The following EEF2 variants were observed in gnomAD, a reference collection of about 807,000 sequenced individuals.
EEF2 encodes elongation factor 2.
A neutral mutation model predicts 85.3 loss-of-function variants in EEF2; 21 were observed. The observed-to-expected ratio is 0.25, with a 90% CI of 0.17 to 0.35. The LOEUF (loss-of-function observed/expected upper bound fraction) is 0.35, where lower values mean the gene tolerates loss of function less well. Among genes scored for constraint, EEF2 ranks in the 10% least tolerant of loss-of-function variants. The pLI is 1.00. For synonymous variants in EEF2, 723 were observed against 508.8 expected, an observed-to-expected ratio of 1.42 and a Z score of -5.67; for missense variants, 825 against 1,225.3, an observed-to-expected ratio of 0.67 and a Z score of 4.88.
chr19:3,984,857 A>G (rs2039799432), intron 1 of EEF2: 1 of 171,986 alleles, frequency 5.8e-6, no homozygotes, highest in Non-Finnish European at 1.2e-5. Context: ...GTGTCTCAAT[A>G]AGAGTCTTTG....
chr19:3,982,871 T>C lies in EEF2; in HGVS notation c.548A>G (p.Glu183Gly). ...GGTGGAGATGATGACGTTCACGTTC[T>C]CCACGATGCGCTGGAAAGTCTGGTA... ...ELYQTFQRIV[E>G]NVNVIISTYG... is the part of the protein sequence containing the mutation. Residue 183 changes from glutamate to glycine, a missense_variant, in exon 4 of 15, where the codon GAG becomes GGG. Transcript: ENST00000309311. The C allele has an allele frequency of 6.2e-7, 1 of 1,613,728 alleles. No individual in the cohort carries two copies. Among genetic ancestry groups the C allele is most frequent in the Non-Finnish European group, 8.5e-7 (1 of 1,179,992 alleles).
In EEF2 at chr19:3,978,124, T is replaced by C; in HGVS notation, c.1762A>G (p.Asn588Asp). Residue 588 changes from asparagine (N) to aspartate (D), a missense_variant, in exon 12 of 15, where the codon AAC (asparagine) becomes GAC (aspartate). By Grantham distance (23) the Asn-to-Asp change is conservative. Transcript: ENST00000309311. ...GGGGACTTGGAGAGGCAGAGCACGT[T>C]CGACTCTTCACTGACCGTCTCGCGG... ...SYRETVSEES[N>D]VLCLSKSPNK... 2.7e-6 allele frequency: 4 copies of C among 1,499,114 alleles called. No individual in the cohort carries two copies. The highest frequency in any genetic ancestry group is 3.6e-6 in the Non-Finnish European group (4 of 1,115,740). The allele number at this position is 1,499,114 out of a possible 1,614,324, so 92.9% of individuals were successfully genotyped here.
At chr19:3,982,639 G>T in intron 4 of EEF2, 168 bp downstream of exon 4, 4 of 1,096,772 alleles carry the variant, frequency 3.6e-6, no homozygotes, top group South Asian at 2.8e-5. Flanking sequence ...GCTGCCCAAA[G>T]ATCAAGGGCT....
intron 11 of EEF2, 66 bp from the exon 12 acceptor site, chr19:3,978,238 C>T (rs1230512896): frequency 2.2e-6 from 3 of 1,361,856 alleles, no homozygotes; most frequent in Admixed American, 3.1e-5. Flanking sequence ...CAGACGCATC[C>T]TTAAAAGCTT....
Position 3,977,647 on chromosome 19 carries a change from AC to A in EEF2, c.2068-38del. The A allele has an allele frequency of 6.7e-7, 1 of 1,483,606 alleles. No individual in the cohort carries two copies. The highest frequency in any genetic ancestry group is 8.9e-7 in the Non-Finnish European group (1 of 1,122,596). The allele number at this position is 1,483,606 out of a possible 1,614,324, so 91.9% of individuals were successfully genotyped here. A position where few individuals can be genotyped will look rare whatever the true frequency, so the allele number is the denominator to read the frequency against. ...GGAGAGCCACCGTCAAGGGCCGGACACACCTCGGCTGCTTGCCCTCCACCTG... is the reference window on the plus strand; with the variant it reads ...GGAGAGCCACCGTCAAGGGCCGGACAACCTCGGCTGCTTGCCCTCCACCTG... On this transcript the variant is annotated intron_variant, in intron 12 of 14. Coordinates refer to ENST00000309311, the MANE Select transcript of EEF2 (RefSeq NM_001961.4). This position sits in a 1 kb window ranked among gnomAD's most constrained non-coding sequence, Gnocchi z 5.4.
rs190246305 is a variant in EEF2, at chr19:3,976,157, C to T, written c.*397G>A. 3.0e-5 allele frequency: 7 copies of T among 235,412 alleles called. No homozygotes were observed. Among genetic ancestry groups the T allele is most frequent in the Admixed American group, 1.0e-4 (2 of 19,186 alleles). 14.6% of individuals were successfully genotyped at this position (235,412 alleles called of 1,614,324 possible). A position where few individuals can be genotyped will look rare whatever the true frequency, so the allele number is the denominator to read the frequency against. On this transcript the variant is annotated 3_prime_UTR_variant, in exon 15 of 15. Coordinates refer to ENST00000309311, the MANE Select transcript of EEF2 (RefSeq NM_001961.4). ...TCCTGCCTGCTAGAAATCATCTACC[C>T]GCGTGTTCCTTTCCCCTTTCTGGGG...
At position 3,981,550 on chromosome 19, in the gene EEF2, G is replaced by A. The variant is rs1158328507; in HGVS notation, c.898-98C>T. On this transcript the variant is annotated intron_variant, in intron 6 of 14. Transcript: ENST00000309311. ...TGGAAGACTCAGGTCAGCGCAGGGG[G>A]ACGCAGCACGGGAGCAGGAGCAGGC... The A allele has an allele frequency of 1.9e-5, 22 of 1,141,098 alleles. No individual in the cohort carries two copies. In the South Asian group the frequency reaches 2.2e-4, roughly 11 times the overall value. 70.7% of individuals were successfully genotyped at this position (1,141,098 alleles called of 1,614,324 possible).
chr19:3,980,649 G>C lies in EEF2; in HGVS notation c.1211C>G (p.Thr404Ser). Residue 404 changes from threonine to serine, a missense_variant, in exon 9 of 15, where the codon ACC becomes AGC. By Grantham distance (58) the Thr-to-Ser change is moderately conservative. Coordinates refer to ENST00000309311, the MANE Select transcript of EEF2 (RefSeq NM_001961.4). ...LMMYISKMVP[T>S]SDKGRFYAFG... ...GGCGTAGAACCGACCTTTGTCGGAG[G>C]TTGGCACCATTTTGGAAATATACAT... 6.2e-7 allele frequency: 1 copy of C among 1,614,236 alleles called. No individual in the cohort carries two copies. Among genetic ancestry groups the C allele is most frequent in the Non-Finnish European group, 8.5e-7 (1 of 1,180,034 alleles).
chr19:3,982,435 G>A lies in EEF2; in HGVS notation c.613-11C>T, dbSNP rs1046290510. The A allele has an allele frequency of 2.5e-6, 4 of 1,613,910 alleles. No homozygotes were observed. Among genetic ancestry groups the A allele is most frequent in the Non-Finnish European group, 2.5e-6 (3 of 1,180,040 alleles). The stretch of plus-strand genomic sequence containing the variant: ...GAGGACAGGATCGATCTGGAAGTGT[G>A]AGAAACGAGAAGCAGCCGTGAGGGC... On this transcript the variant is annotated splice_polypyrimidine_tract_variant and intron_variant, in intron 4 of 14. Transcript: ENST00000309311.
At chr19:3,984,591 A>G (rs1394563431) in intron 1 of EEF2, among the ~76,000 whole-genome samples, 3 of 152,236 alleles carry the variant, frequency 2.0e-5, no homozygotes, top group Non-Finnish European at 4.4e-5. Context: ...GTGCTCAGGA[A>G]TAAAACTGAG....
intron 11 of EEF2, among the ~76,000 whole-genome samples, 170 bp from the exon 12 acceptor site, chr19:3,978,342 A>T (rs796133756): frequency 1.5e-4 from 23 of 152,212 alleles, no homozygotes; most frequent in African/African-American, 5.5e-4. Context: ...ATCTCACTCC[A>T]GACAAGGACA....
chr19:3,979,684 A>T, intron 10 of EEF2, 124 bp downstream of exon 10: 1 of 1,427,908 alleles, frequency 7.0e-7, no homozygotes, highest in East Asian at 2.3e-5. Flanking sequence ...CACAGCCAAG[A>T]ACCCCTCCTT....
At chr19:3,981,707 C>T (rs1448457008) in intron 6 of EEF2, among the ~76,000 whole-genome samples, 1 of 152,256 alleles carries the variant, frequency 6.6e-6, no homozygotes, top group African/African-American at 2.4e-5. Flanking sequence ...CACTGAACCG[C>T]CAAAGCCACA....
At position 3,979,365 on chromosome 19, in the gene EEF2, C is replaced by T. The variant is rs146823249; in HGVS notation, c.1677G>A (p.Lys559=). The T allele has an allele frequency of 1.6e-3, 2,603 of 1,614,102 alleles. 2 individuals carry two copies. Among genetic ancestry groups the T allele is most frequent in the Non-Finnish European group, 2.0e-3 (2,392 of 1,180,028 alleles). ...AGELHLEICL[K]DLEEDHACIP... The stretch of plus-strand genomic sequence containing the variant: ...TGCAGGCGTGGTCCTCCTCCAGGTC[C>T]TTCAGGCAGATCTCCAGGTGCAGCT... The change falls in exon 11 of 15, where the codon AAG becomes AAA. Residue 559 remains lysine (K), a synonymous_variant. Coordinates refer to ENST00000309311, the MANE Select transcript of EEF2 (RefSeq NM_001961.4).
chr19:3,981,506 C>G (rs549386504), intron 6 of EEF2, 54 bp from the exon 7 acceptor site: 7 of 1,513,694 alleles, frequency 4.6e-6, no homozygotes, highest in Non-Finnish European at 5.5e-6. Context: ...CAGGAGGAAG[C>G]CTGGCACTGC....
At chr19:3,982,087 G>A (rs1319121984) in intron 5 of EEF2, 35 bp from the exon 6 acceptor site, 14 of 1,610,228 alleles carry the variant, frequency 8.7e-6, no homozygotes, top group Admixed American at 6.7e-5. Flanking sequence ...TCAAGTTAGG[G>A]TCTCCAGGGG....
chr19:3,979,607 A>G, intron 10 of EEF2, 171 bp from the exon 11 acceptor site: 3 of 948,134 alleles, frequency 3.2e-6, no homozygotes, highest in Non-Finnish European at 4.7e-6. Flanking sequence ...CACAAGCTAC[A>G]GTGAACACGC....
intron 2 of EEF2, chr19:3,983,871 T>A: frequency 3.9e-6 from 2 of 518,748 alleles, no homozygotes; most frequent in Non-Finnish European, 7.0e-6. Context: ...CTCCAGATAT[T>A]GTAGGAGTGG....
Position 3,977,905 on chromosome 19 carries a change from T to C in EEF2, c.1981A>G (p.Ile661Val). 2 of 1,613,646 alleles carry C rather than the reference T, an allele frequency of 1.2e-6. No homozygotes were observed. Among genetic ancestry groups the C allele is most frequent in the Non-Finnish European group, 1.7e-6 (2 of 1,179,946 alleles). Reference sequence around the variant, plus strand: ...ACACCCTTGGTGATGTCGGTGAGGATGTTGGGGCCGGTGCCGTCGGGCCCA... The same window carrying C: ...ACACCCTTGGTGATGTCGGTGAGGACGTTGGGGCCGGTGCCGTCGGGCCCA... ...CFGPDGTGPNILTDITKGVQY... is the reference protein window; with the variant it reads ...CFGPDGTGPNVLTDITKGVQY... The change falls in exon 12 of 15, where the codon ATC (isoleucine) becomes GTC (valine). Residue 661 changes from isoleucine to valine, a missense_variant. Physicochemically the swap from Ile to Val is conservative, Grantham distance 29. Coordinates refer to ENST00000309311, the MANE Select transcript of EEF2 (RefSeq NM_001961.4). This position sits in a 1 kb window ranked among gnomAD's most constrained non-coding sequence, Gnocchi z 5.4.
Sources: gnomAD v4.1 joint callset for allele counts (sites outside exome capture counted in the v4.1 genomes callset) on GRCh38, gnomAD v4.1.1 for gene constraint, Gnocchi (gnomAD v3.1) non-coding constraint, MANE v1.5 for transcripts, NCBI Gene and HGNC (gene_info 2026-07-23, HGNC 2026-07-21) for gene names.